Variants in CDH18 observed in about 807,000 individuals in gnomAD.
CDH18 encodes the protein cadherin 18.
Under a neutral mutation model 67.9 loss-of-function variants are expected in CDH18, and 31 were observed. That is an observed-to-expected ratio of 0.46 (90% CI 0.34 to 0.62). CDH18 has a LOEUF of 0.62. Among genes scored for constraint, CDH18 ranks in the 20% least tolerant of loss-of-function variants. CDH18 has a pLI of 0.01. For missense variants in CDH18, 890 were observed against 975.5 expected (o/e 0.91, Z 1.17); for synonymous variants, 362 against 347.2 (o/e 1.04, Z -0.48).
At chr5:20,139,582 G>A (rs113947460) in intron 2 of CDH18, among the ~76,000 whole-genome samples, 130,108 of 152,100 alleles carry the variant, frequency 0.86, 56,871 homozygotes, top group Non-Finnish European at 0.94. Context: ...ACAAAGGGCT[G>A]ATATCCAGAA....
Position 19,499,800 on chromosome 5 carries a change from TTCTC to T in CDH18, c.1630+3188_1630+3191del, listed in dbSNP as rs538956757. Among the ~76,000 whole-genome samples, 224 of 152,134 alleles carry T rather than the reference TTCTC, an allele frequency of 1.5e-3. 2 individuals are homozygous for T. Among genetic ancestry groups the T allele is most frequent in the African/African-American group, 4.7e-3 (194 of 41,548 alleles). On this transcript the variant is annotated intron_variant, in intron 11 of 12. Coordinates refer to ENST00000382275, the MANE Select transcript of CDH18 (RefSeq NM_004934.5). ...ATCATGAACAACAACATGCATCTCT[TTCTC>T]TCTCTCTTTTTTTGAAAAATCTGTT...
chr5:20,052,655 A>C (rs1039953831), intron 2 of CDH18, among the ~76,000 whole-genome samples: 1 of 152,072 alleles, frequency 6.6e-6, no homozygotes, highest in Non-Finnish European at 1.5e-5. Flanking sequence ...TGGTATATAA[A>C]TTTATTAGTA....
At chr5:19,976,932 CTT>C (rs1420159658) in intron 2 of CDH18, among the ~76,000 whole-genome samples, 1 of 152,000 alleles carries the variant, frequency 6.6e-6, no homozygotes, top group Admixed American at 6.6e-5. Context: ...TTAAATAACA[CTT>C]GATTTTTAAA....
At chr5:19,527,364 A>C (rs1351117081) in intron 9 of CDH18, among the ~76,000 whole-genome samples, 1 of 151,708 alleles carries the variant, frequency 6.6e-6, no homozygotes, top group Non-Finnish European at 1.5e-5. Context: ...TACTTAAACA[A>C]TAATTTATAT....
intron 5 of CDH18, among the ~76,000 whole-genome samples, chr5:19,648,409 G>T (rs1318721575): frequency 1.3e-5 from 2 of 151,620 alleles, no homozygotes; most frequent in African/African-American, 4.9e-5. Context: ...AGCACAATTT[G>T]GTCTCAATAA....
intron 1 of CDH18, among the ~76,000 whole-genome samples, chr5:20,371,654 A>G (rs2150085566): frequency 6.6e-6 from 1 of 152,312 alleles, no homozygotes. Context: ...TTCTTTTAAG[A>G]TGGGAGACAT....
intron 1 of CDH18, among the ~76,000 whole-genome samples, chr5:20,480,064 A>G (rs1298803740): frequency 6.6e-6 from 1 of 152,194 alleles, no homozygotes; most frequent in African/African-American, 2.4e-5. Flanking sequence ...AAAGAGAAAT[A>G]AAGACTTTAT....
chr5:19,897,734 T>C (rs764036037), intron 2 of CDH18, among the ~76,000 whole-genome samples: 93 of 152,092 alleles, frequency 6.1e-4, no homozygotes, highest in Non-Finnish European at 1.2e-3. Flanking sequence ...ACAGCAATAA[T>C]CATGAAATAA....
intron 5 of CDH18, among the ~76,000 whole-genome samples, chr5:19,671,916 C>T (rs1221544017): frequency 6.6e-6 from 1 of 152,034 alleles, no homozygotes; most frequent in African/African-American, 2.4e-5. Context: ...TAGTCACCAC[C>T]AGTGATGCAA....
chr5:20,393,001 A>G (rs976416886), intron 1 of CDH18, among the ~76,000 whole-genome samples: 15 of 152,034 alleles, frequency 9.9e-5, no homozygotes, highest in African/African-American at 3.4e-4. Context: ...TATTTCTATC[A>G]TGATTATTAT....
chr5:20,448,348 G>T (rs1325626194), intron 1 of CDH18, among the ~76,000 whole-genome samples: 1 of 151,168 alleles, frequency 6.6e-6, no homozygotes, highest in Admixed American at 6.6e-5. Context: ...TCACACATAA[G>T]TTTATACATA....
upstream of CDH18, among the ~76,000 whole-genome samples, chr5:19,991,619 A>G (rs978906017): frequency 1.1e-4 from 17 of 152,170 alleles, no homozygotes; most frequent in African/African-American, 3.6e-4. Context: ...CAAAAGAGAA[A>G]ACAAATTGAT....
chr5:20,503,304 C>T (rs925462596), intron 1 of CDH18, among the ~76,000 whole-genome samples: 12 of 150,102 alleles, frequency 8.0e-5, no homozygotes, highest in South Asian at 2.1e-4. Flanking sequence ...ATTATATAAG[C>T]GAAAACTAAA....
intron 5 of CDH18, among the ~76,000 whole-genome samples, chr5:19,705,153 TG>T (rs996163344): frequency 1.3e-5 from 2 of 152,174 alleles, no homozygotes; most frequent in African/African-American, 4.8e-5. Flanking sequence ...CCTTATTACG[TG>T]GATGATATAC....
chr5:19,787,377 G>T (rs192536240), intron 3 of CDH18, among the ~76,000 whole-genome samples: 1 of 151,944 alleles, frequency 6.6e-6, no homozygotes, highest in African/African-American at 2.4e-5. Context: ...GCTTGAACCT[G>T]GGAGGCAGAG....
intron 7 of CDH18, among the ~76,000 whole-genome samples, chr5:19,590,186 T>C (rs1264740557): frequency 1.3e-5 from 2 of 152,062 alleles, no homozygotes; most frequent in Non-Finnish European, 2.9e-5. Context: ...TAAATAAATA[T>C]GCAAATTGTC....
intron 1 of CDH18, among the ~76,000 whole-genome samples, chr5:20,414,912 A>G (rs1747159227): frequency 6.6e-6 from 1 of 152,224 alleles, no homozygotes; most frequent in Non-Finnish European, 1.5e-5. Flanking sequence ...TGTAGCCACA[A>G]TGGAAAACAG....
intron 1 of CDH18, among the ~76,000 whole-genome samples, chr5:20,528,101 G>A (rs1000515714): frequency 2.0e-5 from 3 of 151,856 alleles, no homozygotes; most frequent in Admixed American, 1.3e-4. Context: ...AAAAAAGTGG[G>A]GGTTGCAATC....
rs1374984145 is a variant in CDH18, at chr5:19,695,803, T to C, written c.643+25544A>G. 3.3e-5 allele frequency among the ~76,000 whole-genome samples: 5 copies of C among 152,174 alleles called. No homozygotes were observed. The East Asian group carries it at 9.6e-4, about 29-fold the overall frequency. ...CAGAAGTTAAATTTCTTTATGTGTG[T>C]GAGGAGAGTGATTAACTTCAGGAGC... On this transcript the variant is annotated intron_variant, in intron 5 of 12. Transcript: ENST00000382275.
Sources: gnomAD v4.1 joint callset for allele counts (sites outside exome capture counted in the v4.1 genomes callset) on GRCh38, gnomAD v4.1.1 for gene constraint, MANE v1.5 for transcripts, NCBI Gene and HGNC (gene_info 2026-07-23, HGNC 2026-07-21) for gene names.